The following ZNF462 variants were observed in gnomAD, a reference collection of about 807,000 sequenced individuals.
ZNF462 encodes zinc finger PBX1-interacting protein.
A neutral mutation model predicts 201.9 loss-of-function variants in ZNF462; 10 were observed. The observed-to-expected ratio is 0.05, with a 90% CI of 0.03 to 0.08. The LOEUF (loss-of-function observed/expected upper bound fraction) is 0.08. ZNF462 is among the 10% of genes least tolerant of loss of function. The pLI is 1.00. For synonymous variants in ZNF462, 1,227 were observed against 1,193.3 expected (o/e 1.03, Z -0.58); for missense variants, 2,523 against 3,168.3 (o/e 0.80, Z 4.89).
At position 106,923,597 on chromosome 9, in the gene ZNF462, TTA is replaced by T; in HGVS notation, c.216_217del (p.Leu72PhefsTer28). 1 of 1,614,178 alleles carries T rather than the reference TTA, an allele frequency of 6.2e-7. No homozygotes were observed. The highest frequency in any genetic ancestry group is 8.5e-7 in the Non-Finnish European group (1 of 1,179,988). Reference sequence around the variant, plus strand: ...GGATGAATTTGCCATTGCAGAAGATTTATCAGGTAAATCTATACTAAACTTGG... The same window carrying T: ...GGATGAATTTGCCATTGCAGAAGATTTCAGGTAAATCTATACTAAACTTGG... ...IKDEFAIAED[L>X]SGQNATSLGT... On this transcript the variant is annotated frameshift_variant, in exon 2 of 13. Transcript: ENST00000277225. LOFTEE classifies it high-confidence loss of function. The surrounding 1 kb of genome is among the most constrained non-coding windows in gnomAD (Gnocchi z 5.6).
At chr9:106,945,053 T>C (rs142285114) in intron 7 of ZNF462, among the ~76,000 whole-genome samples, 81 of 152,182 alleles carry the variant, frequency 5.3e-4, no homozygotes, top group Admixed American at 9.8e-4. Flanking sequence ...GATGAGATGA[T>C]TGGGGGGAAT....
In ZNF462 at chr9:106,962,768, G is replaced by A. The variant is rs544732145; in HGVS notation, c.6428-9237G>A. ...CTCAACCTTATTTTCAGGATTAGGCGTTTGTTTTTCCGTTTGCCTCCATGA... is the reference window on the plus strand; with the variant it reads ...CTCAACCTTATTTTCAGGATTAGGCATTTGTTTTTCCGTTTGCCTCCATGA... On this transcript the variant is annotated intron_variant, in intron 7 of 12. Coordinates refer to ENST00000277225, the MANE Select transcript of ZNF462 (RefSeq NM_021224.6). This position sits in a 1 kb window ranked among gnomAD's most constrained non-coding sequence, Gnocchi z 4.6. Among the ~76,000 whole-genome samples the A allele has an allele frequency of 5.9e-5, 9 of 152,094 alleles. No homozygotes were observed. The highest frequency in any genetic ancestry group is 2.6e-4 in the Admixed American group (4 of 15,258).
chr9:106,973,575 C>T (rs1826759992), intron 8 of ZNF462, among the ~76,000 whole-genome samples: 1 of 152,082 alleles, frequency 6.6e-6, no homozygotes, highest in African/African-American at 2.4e-5. Context: ...TTTAATGAGA[C>T]ATTTAAGGCT....
At chr9:106,956,136 T>C (rs1176377199) in intron 7 of ZNF462, among the ~76,000 whole-genome samples, 1 of 152,160 alleles carries the variant, frequency 6.6e-6, no homozygotes, top group East Asian at 1.9e-4. Context: ...ATCGGAAGAA[T>C]CACTATCTAT....
chr9:106,932,373 A>G lies in ZNF462; in HGVS notation c.6013-73A>G. 6.2e-7 allele frequency: 1 copy of G among 1,605,892 alleles called. No individual in the cohort carries two copies. Among genetic ancestry groups the G allele is most frequent in the Non-Finnish European group, 8.5e-7 (1 of 1,175,974 alleles). On this transcript the variant is annotated intron_variant, in intron 4 of 12. Coordinates refer to ENST00000277225, the MANE Select transcript of ZNF462 (RefSeq NM_021224.6). The surrounding 1 kb of genome is among the most constrained non-coding windows in gnomAD (Gnocchi z 6.8). ...ATGGTGAACACTGCTTGCTTGATGG[A>G]ATGTTGGAGGATGAAACCCGGCCGG... is the stretch of plus-strand genomic sequence containing the variant.
intron 1 of ZNF462, among the ~76,000 whole-genome samples, chr9:106,900,173 A>G (rs372477026): frequency 2.0e-5 from 3 of 148,790 alleles, no homozygotes; most frequent in African/African-American, 7.5e-5. Flanking sequence ...CTGTTAATTC[A>G]TTCCTTTTTA....
rs1564159240 is a variant in ZNF462 at position 106,993,224 on chromosome 9, A to C, written c.7056+8815A>C. Among the ~76,000 whole-genome samples the C allele has an allele frequency of 6.6e-6, 1 of 152,156 alleles. No individual in the cohort carries two copies. ...TGCAAAGGTTATAAACCTCAGGAAC[A>C]TCTGTAAAGATGTCAGACTATATCA... On this transcript the variant is annotated intron_variant, in intron 10 of 12. Coordinates refer to ENST00000277225, the MANE Select transcript of ZNF462 (RefSeq NM_021224.6). This position sits in a 1 kb window ranked among gnomAD's most constrained non-coding sequence, Gnocchi z 4.0.
rs759424236 is a variant in ZNF462 at position 106,925,479 on chromosome 9, T to C, written c.1567T>C (p.Ser523Pro). ...LNEGVVSYES[S>P]SINGRKSGVM... ...TGAAGGTGTGGTGTCTTATGAGAGC[T>C]CAAGCATCAATGGTAGAAAGTCAGG... Residue 523 changes from serine (S) to proline (P), a missense_variant, in exon 3 of 13, where the codon TCA (serine) becomes CCA (proline). Transcript: ENST00000277225. The surrounding 1 kb of genome is among the most constrained non-coding windows in gnomAD (Gnocchi z 7.9). 4.3e-6 allele frequency: 7 copies of C among 1,614,042 alleles called. No individual in the cohort carries two copies. The East Asian group carries it at 1.6e-4, about 36-fold the overall frequency.
At chr9:106,921,891 G>A (rs984444880) in intron 1 of ZNF462, among the ~76,000 whole-genome samples, 3 of 152,174 alleles carry the variant, frequency 2.0e-5, no homozygotes, top group Non-Finnish European at 4.4e-5. Context: ...AAAGAGTCTG[G>A]TGCACAGTTC....
chr9:106,896,589 G>A (rs540462570), intron 1 of ZNF462, among the ~76,000 whole-genome samples: 14 of 152,300 alleles, frequency 9.2e-5, no homozygotes, highest in African/African-American at 3.4e-4. Context: ...ATGTTTATTT[G>A]TGTTTGGGGG....
chr9:107,005,163 C>G lies in ZNF462; in HGVS notation c.7189+1737C>G, dbSNP rs1049870948. On this transcript the variant is annotated intron_variant, in intron 11 of 12. Transcript: ENST00000277225. The surrounding 1 kb of genome is among the most constrained non-coding windows in gnomAD (Gnocchi z 4.4). ...CTTATCTTGGTTATTATGAATAACCCTGCAGTGAACGTGAGAGTGCAGATA... is the reference window on the plus strand; with the variant it reads ...CTTATCTTGGTTATTATGAATAACCGTGCAGTGAACGTGAGAGTGCAGATA... 6.6e-6 allele frequency among the ~76,000 whole-genome samples: 1 copy of G among 152,210 alleles called. No individual in the cohort carries two copies. The highest frequency in any genetic ancestry group is 2.4e-5 in the African/African-American group (1 of 41,552).
At position 107,009,742 on chromosome 9, in the gene ZNF462, G is replaced by A. The variant is rs1253956403; in HGVS notation, c.7313+74G>A. The A allele has an allele frequency of 1.9e-6, 3 of 1,592,082 alleles. No homozygotes were observed. Among genetic ancestry groups the A allele is most frequent in the Non-Finnish European group, 2.6e-6 (3 of 1,170,154 alleles). The stretch of plus-strand genomic sequence containing the variant: ...GAGGGAGGGAGGGGCTCTTGTTTTG[G>A]TTCCCCTGACAGTATGTACACCCCT... On this transcript the variant is annotated intron_variant, in intron 12 of 12. Coordinates refer to ENST00000277225, the MANE Select transcript of ZNF462 (RefSeq NM_021224.6). The surrounding 1 kb of genome is among the most constrained non-coding windows in gnomAD (Gnocchi z 6.1).
At position 107,009,763 on chromosome 9, in the gene ZNF462, C is replaced by G; in HGVS notation, c.7313+95C>G. ...TTTGGTTCCCCTGACAGTATGTACACCCCTCTGTGTCACATTTCTGGGCCG... is the reference window on the plus strand; with the variant it reads ...TTTGGTTCCCCTGACAGTATGTACAGCCCTCTGTGTCACATTTCTGGGCCG... On this transcript the variant is annotated intron_variant, in intron 12 of 12. Coordinates refer to ENST00000277225, the MANE Select transcript of ZNF462 (RefSeq NM_021224.6). This position sits in a 1 kb window ranked among gnomAD's most constrained non-coding sequence, Gnocchi z 6.1. The G allele has an allele frequency of 6.5e-7, 1 of 1,540,088 alleles. No homozygotes were observed. Among genetic ancestry groups the G allele is most frequent in the Non-Finnish European group, 8.8e-7 (1 of 1,134,066 alleles).
rs1829907568 is a variant in ZNF462 at position 106,919,578 on chromosome 9, A to G, written c.-30-3776A>G. On this transcript the variant is annotated intron_variant, in intron 1 of 12. Transcript: ENST00000277225. This position sits in a 1 kb window ranked among gnomAD's most constrained non-coding sequence, Gnocchi z 4.5. The stretch of plus-strand genomic sequence containing the variant: ...CTTAAAGAGTTTGTCAAACATAAAC[A>G]ATTGGATTGTGGGTTTGCCCATCAA... 6.6e-6 allele frequency among the ~76,000 whole-genome samples: 1 copy of G among 152,240 alleles called. No homozygotes were observed. Among genetic ancestry groups the G allele is most frequent in the Admixed American group, 6.5e-5 (1 of 15,292 alleles).
chr9:106,898,177 CA>C (rs1370683906), intron 1 of ZNF462, among the ~76,000 whole-genome samples: 6 of 152,142 alleles, frequency 3.9e-5, no homozygotes, highest in Non-Finnish European at 5.9e-5. Flanking sequence ...AGAGGAAGAA[CA>C]ATGTATGGGT....
chr9:106,958,563 A>G (rs1331916127), intron 7 of ZNF462, among the ~76,000 whole-genome samples: 1 of 152,126 alleles, frequency 6.6e-6, no homozygotes, highest in African/African-American at 2.4e-5. Context: ...ACCTCTCAGC[A>G]CAGAGCCTAA....
At chr9:106,888,966 C>T (rs533234304) in intron 1 of ZNF462, among the ~76,000 whole-genome samples, 3 of 152,282 alleles carry the variant, frequency 2.0e-5, no homozygotes, top group African/African-American at 7.2e-5. Context: ...ACTTTTAATT[C>T]CTTTTCCTCT....
rs917353117 is a variant in ZNF462 at position 106,963,244 on chromosome 9, G to A, written c.6428-8761G>A. Among the ~76,000 whole-genome samples the A allele has an allele frequency of 1.3e-5, 2 of 152,018 alleles. No individual in the cohort carries two copies. The highest frequency in any genetic ancestry group is 1.9e-4 in the East Asian group (1 of 5,180). On this transcript the variant is annotated intron_variant, in intron 7 of 12. Transcript: ENST00000277225. This position sits in a 1 kb window ranked among gnomAD's most constrained non-coding sequence, Gnocchi z 4.7. ...ATTAAATCAAGGTACAAAGGAATTC[G>A]GATAGAACCGAGAACAATTTTTTAA...
chr9:106,931,788 G>C, intron 4 of ZNF462, among the ~76,000 whole-genome samples: 1 of 152,236 alleles, frequency 6.6e-6, no homozygotes. Context: ...CATCTACAGG[G>C]TAGGGGGCAG....
Sources: gnomAD v4.1 joint callset for allele counts (sites outside exome capture counted in the v4.1 genomes callset) on GRCh38, gnomAD v4.1.1 for gene constraint, Gnocchi (gnomAD v3.1) non-coding constraint, MANE v1.5 for transcripts, NCBI Gene and HGNC (gene_info 2026-07-23, HGNC 2026-07-21) for gene names.